The following RELT variants were observed in gnomAD, a reference collection of about 807,000 sequenced individuals.
RELT encodes tumor necrosis factor receptor superfamily member 19L.
In RELT, 37 loss-of-function variants were observed where a neutral mutation model predicts 51.1. The ratio of observed to expected loss-of-function variants is 0.72; its 90% CI spans 0.56 to 0.95. The LOEUF is 0.95. Ranked by LOEUF, RELT falls within the 40% of genes least tolerant of loss-of-function variation. The probability of loss-of-function intolerance (pLI) is 0.00; values close to 1 mark genes in which losing one functional copy is unlikely to be tolerated. For missense variants in RELT, 535 were observed against 572.6 expected (o/e 0.93, Z 0.67); for synonymous variants, 241 against 235.7 (o/e 1.02, Z -0.21).
rs1441629662 is a variant in RELT, at chr11:73,395,848, CT to C, written c.*358del. 1.0e-5 allele frequency: 4 copies of C among 391,140 alleles called. No homozygotes were observed. Among genetic ancestry groups the C allele is most frequent in the South Asian group, 3.2e-5 (1 of 31,684 alleles). 24.2% of individuals were successfully genotyped at this position (391,140 alleles called of 1,614,324 possible). A position where few individuals can be genotyped will look rare whatever the true frequency, so the allele number is the denominator to read the frequency against. On this transcript the variant is annotated 3_prime_UTR_variant, in exon 11 of 11. Transcript: ENST00000064780. ...GGGGAGGGGCCTGTGCCCGTCACCC[CT>C]GGCCCCATTCCTTGGTAATTAGCCA...
chr11:73,386,463 C>A (rs569219470), intron 1 of RELT, among the ~76,000 whole-genome samples: 1 of 152,144 alleles, frequency 6.6e-6, no homozygotes, highest in African/African-American at 2.4e-5. Context: ...GGGTGCTGAG[C>A]AGCAGGTGTG....
At chr11:73,389,607 G>A (rs1164837504) in intron 2 of RELT, among the ~76,000 whole-genome samples, 1 of 152,216 alleles carries the variant, frequency 6.6e-6, no homozygotes, top group Non-Finnish European at 1.5e-5. Context: ...CAGGATCACA[G>A]GATCAGGCCA....
In RELT at chr11:73,388,981, C is replaced by G. The variant is rs542014740; in HGVS notation, c.-25-131C>G. The G allele has an allele frequency of 2.7e-5, 17 of 635,174 alleles. No homozygotes were observed. The highest frequency in any genetic ancestry group is 1.9e-4 in the South Asian group (11 of 56,562). 39.3% of individuals were successfully genotyped at this position (635,174 alleles called of 1,614,324 possible). ...CTTGCGGGTGTGGAGCCGGCCTCCCCGGGCTCTGCCTGCCCAGCAGCACCT... is the reference window on the plus strand; with the variant it reads ...CTTGCGGGTGTGGAGCCGGCCTCCCGGGGCTCTGCCTGCCCAGCAGCACCT... On this transcript the variant is annotated intron_variant, in intron 1 of 10. Transcript: ENST00000064780. The surrounding 1 kb of genome is among the most constrained non-coding windows in gnomAD (Gnocchi z 4.1).
rs754778753 is a variant in RELT at position 73,393,869 on chromosome 11, A to G, written c.658A>G (p.Asn220Asp). Residue 220 changes from asparagine to aspartate, a missense_variant, in exon 7 of 11, where the codon AAT becomes GAT. Transcript: ENST00000064780. ...CCCTGCCTACCGGACTGAGGATGCC[A>G]ATGAGGACACCATTGGGGTCCTGGT... ...INPAYRTEDA[N>D]EDTIGVLVRL... The G allele has an allele frequency of 6.8e-6, 11 of 1,613,906 alleles. No homozygotes were observed. In the South Asian group the frequency reaches 1.1e-4, roughly 16 times the overall value.
At chr11:73,385,242 G>A (rs934650491) in intron 1 of RELT, among the ~76,000 whole-genome samples, 2 of 152,164 alleles carry the variant, frequency 1.3e-5, no homozygotes, top group Non-Finnish European at 2.9e-5. Context: ...GGCGTGGCAG[G>A]GCCCGGGTGA....
At chr11:73,389,744 A>G (rs1866180852) in intron 2 of RELT, among the ~76,000 whole-genome samples, 1 of 152,180 alleles carries the variant, frequency 6.6e-6, no homozygotes, top group Non-Finnish European at 1.5e-5. Flanking sequence ...GGGCCTTGCT[A>G]AGGGTTGCTC....
At chr11:73,393,574 A>G in intron 6 of RELT, 6 of 1,434,726 alleles carry the variant, frequency 4.2e-6, no homozygotes, top group Non-Finnish European at 4.6e-6. Context: ...GCCCAATTCA[A>G]TGACTGGAGT....
At chr11:73,393,240 C>T (rs2134454256) in intron 6 of RELT, 2 of 1,003,010 alleles carry the variant, frequency 2.0e-6, no homozygotes, top group Middle Eastern at 5.1e-4. Flanking sequence ...TGACTCAGGG[C>T]CATTTTGCCT....
chr11:73,377,211 A>G (rs1865981792), intron 1 of RELT, among the ~76,000 whole-genome samples: 2 of 151,480 alleles, frequency 1.3e-5, no homozygotes, highest in Non-Finnish European at 2.9e-5. Context: ...AGCCCAAGTG[A>G]CTGAGAACGA....
chr11:73,392,177 C>G (rs1260841438), intron 5 of RELT, 34 bp from the exon 6 acceptor site: 3 of 1,603,670 alleles, frequency 1.9e-6, no homozygotes, highest in Middle Eastern at 3.3e-4. Flanking sequence ...TGTCACTCTG[C>G]TTTTGTCCTG....
At chr11:73,378,584 A>G (rs191403581) in intron 1 of RELT, among the ~76,000 whole-genome samples, 2 of 152,316 alleles carry the variant, frequency 1.3e-5, no homozygotes, top group Admixed American at 6.5e-5. Flanking sequence ...CACCTTCCTA[A>G]TAACTGCTCA....
chr11:73,394,507 C>G lies in RELT; in HGVS notation c.819C>G (p.His273Gln). 1 of 1,610,750 alleles carries G rather than the reference C, an allele frequency of 6.2e-7. No homozygotes were observed. Among genetic ancestry groups the G allele is most frequent in the Non-Finnish European group, 8.5e-7 (1 of 1,179,728 alleles). ...CGCCAGCGCCCCCGAACGTGCCACA[C>G]ATCTGCCCGCACCGCCACCATCTCC... ...KLPPAPPNVP[H>Q]ICPHRHHLHT... Residue 273 changes from histidine to glutamine, a missense_variant, in exon 9 of 11, where the codon CAC (histidine) becomes CAG (glutamine). By Grantham distance (24) the His-to-Gln change is conservative. Transcript: ENST00000064780. This position sits in a 1 kb window ranked among gnomAD's most constrained non-coding sequence, Gnocchi z 4.9.
chr11:73,395,013 C>T (rs781174962), intron 9 of RELT, 74 bp from the exon 10 acceptor site: 15 of 1,336,454 alleles, frequency 1.1e-5, no homozygotes, highest in Non-Finnish European at 1.6e-5. Flanking sequence ...TGCTGTGTGA[C>T]CCCGGGCACG....
rs1458406068 is a variant in RELT at position 73,395,825 on chromosome 11, G to A, written c.*334G>A. 3.6e-5 allele frequency: 16 copies of A among 450,666 alleles called. No homozygotes were observed. In the Admixed American group the frequency reaches 5.9e-4, roughly 17 times the overall value. The allele number at this position is 450,666 out of a possible 1,614,324, so 27.9% of individuals were successfully genotyped here. ...CATCAGAGGCTGGGCTTGGCAGAGGGGAGGGGCCTGTGCCCGTCACCCCTG... is the reference window on the plus strand; with the variant it reads ...CATCAGAGGCTGGGCTTGGCAGAGGAGAGGGGCCTGTGCCCGTCACCCCTG... On this transcript the variant is annotated 3_prime_UTR_variant, in exon 11 of 11. Transcript: ENST00000064780.
chr11:73,392,634 C>T (rs536655066), intron 6 of RELT, 166 bp downstream of exon 6: 10 of 1,406,970 alleles, frequency 7.1e-6, no homozygotes, highest in East Asian at 5.0e-5. Flanking sequence ...GGTAAGGGGA[C>T]GAAGGTGTGG....
chr11:73,385,258 G>C lies in RELT; in HGVS notation c.-25-3854G>C, dbSNP rs947503086. ...GCGTGGCAGGGCCCGGGTGACCCCA[G>C]CGAGCTTCAGTTCTGGGAAAGGGGA... On this transcript the variant is annotated intron_variant, in intron 1 of 10. Transcript: ENST00000064780. 4.6e-5 allele frequency among the ~76,000 whole-genome samples: 7 copies of C among 152,188 alleles called. No homozygotes were observed. In the East Asian group the frequency reaches 1.3e-3, roughly 29 times the overall value.
At chr11:73,379,659 GGTT>G (rs1866021445) in intron 1 of RELT, among the ~76,000 whole-genome samples, 2 of 152,306 alleles carry the variant, frequency 1.3e-5, no homozygotes, top group South Asian at 4.1e-4. Flanking sequence ...GGCGGCTGGA[GGTT>G]GGCCAGCACT....
chr11:73,382,514 T>A (rs1866065779), intron 1 of RELT, among the ~76,000 whole-genome samples: 1 of 152,192 alleles, frequency 6.6e-6, no homozygotes, highest in African/African-American at 2.4e-5. Context: ...GGGCCAGGGT[T>A]GGCAACACAG....
In RELT at chr11:73,395,701, C is replaced by T. The variant is rs112422566; in HGVS notation, c.*210C>T. The T allele has an allele frequency of 3.4e-5, 20 of 591,046 alleles. No homozygotes were observed. The highest frequency in any genetic ancestry group is 3.0e-4 in the African/African-American group (16 of 53,894). The allele number at this position is 591,046 out of a possible 1,614,324, so 36.6% of individuals were successfully genotyped here. On this transcript the variant is annotated 3_prime_UTR_variant, in exon 11 of 11. Transcript: ENST00000064780. ...CACTGTGTACAGGAGCAGGCTGAGC[C>T]CCGCCCCTGGCCCTGCTGCCATGTT... is the stretch of plus-strand genomic sequence containing the variant.
Sources: allele counts gnomAD v4.1 joint callset (sites outside exome capture counted in the v4.1 genomes callset), GRCh38; gene constraint gnomAD v4.1.1; non-coding constraint Gnocchi (gnomAD v3.1); transcripts MANE v1.5; gene names NCBI Gene and HGNC (gene_info 2026-07-23, HGNC 2026-07-21).